The following FHIT variants were observed in gnomAD, a reference collection of about 807,000 sequenced individuals.
The protein encoded by FHIT is bis(5'-adenosyl)-triphosphatase.
A neutral mutation model predicts 17.9 loss-of-function variants in FHIT; 19 were observed. The ratio of observed to expected loss-of-function variants is 1.06; its 90% CI spans 0.74 to 1.56. The LOEUF is 1.56. FHIT is among the 40% of genes most tolerant of loss of function. The pLI, the probability that FHIT is intolerant of heterozygous loss-of-function variation, is 0.00. For synonymous variants in FHIT, 81 were observed against 69.7 expected (o/e 1.16, Z -0.81); for missense variants, 248 against 189.2 (o/e 1.31, Z -1.82).
intron 5 of FHIT, among the ~76,000 whole-genome samples, chr3:60,213,208 A>G (rs1187083198): frequency 6.6e-6 from 1 of 152,188 alleles, no homozygotes; most frequent in Non-Finnish European, 1.5e-5. Flanking sequence ...AATCTGGATC[A>G]AGGCACATAC....
intron 4 of FHIT, among the ~76,000 whole-genome samples, chr3:60,656,388 G>T (rs2040116067): frequency 6.6e-6 from 1 of 152,042 alleles, no homozygotes; most frequent in Non-Finnish European, 1.5e-5. Context: ...TATTACTGGG[G>T]GCAAGATTTG....
intron 7 of FHIT, among the ~76,000 whole-genome samples, chr3:59,996,396 G>A (rs1217393615): frequency 6.6e-6 from 1 of 152,030 alleles, no homozygotes; most frequent in South Asian, 2.1e-4. Context: ...TATTTAGTTG[G>A]AAGATAACAA....
intron 5 of FHIT, among the ~76,000 whole-genome samples, chr3:60,348,472 T>C (rs1460593975): frequency 2.6e-5 from 4 of 152,154 alleles, no homozygotes; most frequent in African/African-American, 9.7e-5. Flanking sequence ...AATTAACATG[T>C]AGAACAAAAT....
At chr3:60,004,641 A>G (rs1438137971) in intron 7 of FHIT, among the ~76,000 whole-genome samples, 2 of 152,084 alleles carry the variant, frequency 1.3e-5, no homozygotes, top group Admixed American at 6.5e-5. Flanking sequence ...GATACAACAT[A>G]TTTCTTTAGG....
At position 60,584,419 on chromosome 3, in the gene FHIT, G is replaced by T. The variant is rs144002418; in HGVS notation, c.-17-47440C>A. 8.0e-3 allele frequency among the ~76,000 whole-genome samples: 1,211 copies of T among 152,000 alleles called. 11 individuals carry two copies. Among genetic ancestry groups the T allele is most frequent in the African/African-American group, 0.028 (1,162 of 41,464 alleles). ...CACACATACAACCCTTGTGAGCTGCGGTGGCGGTGGCAGTAACTGTGGGTT... is the reference window on the plus strand; with the variant it reads ...CACACATACAACCCTTGTGAGCTGCTGTGGCGGTGGCAGTAACTGTGGGTT... On this transcript the variant is annotated intron_variant, in intron 4 of 9. Transcript: ENST00000492590.
chr3:60,595,619 A>G lies in FHIT; in HGVS notation c.-17-58640T>C, dbSNP rs570022738. The stretch of plus-strand genomic sequence containing the variant: ...TATATACGTGTAGATATATGTGTGT[A>G]TGTATATATGTGTGTGTGTGTGTAT... On this transcript the variant is annotated intron_variant, in intron 4 of 9. Transcript: ENST00000492590. Among the ~76,000 whole-genome samples, 15 of 127,628 alleles carry G rather than the reference A, an allele frequency of 1.2e-4. No individual in the cohort carries two copies. The East Asian group carries it at 2.1e-3, about 17-fold the overall frequency. 83.7% of individuals were successfully genotyped at this position (127,628 alleles called of 152,430 possible).
intron 5 of FHIT, among the ~76,000 whole-genome samples, chr3:60,160,637 G>A (rs1337212019): frequency 6.6e-6 from 1 of 152,102 alleles, no homozygotes; most frequent in African/African-American, 2.4e-5. Flanking sequence ...CTGCTGTTTT[G>A]TTAAAAATGT....
intron 3 of FHIT, among the ~76,000 whole-genome samples, chr3:61,040,320 G>A (rs2107687912): frequency 6.6e-6 from 1 of 152,196 alleles, no homozygotes; most frequent in African/African-American, 2.4e-5. Context: ...TTTAAACATT[G>A]GATTGAAAGT....
chr3:60,240,462 AAT>A, intron 5 of FHIT, among the ~76,000 whole-genome samples: 1 of 152,206 alleles, frequency 6.6e-6, no homozygotes, highest in Non-Finnish European at 1.5e-5. Flanking sequence ...TGAAGACTTC[AAT>A]ATCAGGATTA....
intron 4 of FHIT, among the ~76,000 whole-genome samples, chr3:60,620,083 T>C (rs2039076939): frequency 3.9e-5 from 6 of 152,144 alleles, no homozygotes. Flanking sequence ...ATTAGGATAT[T>C]GCAAATTAAA....
intron 8 of FHIT, among the ~76,000 whole-genome samples, chr3:59,821,319 C>T (rs568172463): frequency 6.6e-6 from 1 of 152,278 alleles, no homozygotes; most frequent in East Asian, 1.9e-4. Flanking sequence ...CTGATGTTGG[C>T]TTTTATAAGA....
chr3:60,795,152 A>G (rs1553729841), intron 4 of FHIT, among the ~76,000 whole-genome samples: 2 of 152,158 alleles, frequency 1.3e-5, no homozygotes, highest in African/African-American at 4.8e-5. Flanking sequence ...TTCCATAACT[A>G]TACACAGAAC....
chr3:61,010,737 C>T (rs1007757537), intron 3 of FHIT, among the ~76,000 whole-genome samples: 2 of 152,164 alleles, frequency 1.3e-5, no homozygotes, highest in African/African-American at 4.8e-5. Flanking sequence ...TCTTATATCA[C>T]CAGCTAAACT....
rs145851566 is a variant in FHIT, at chr3:60,433,984, C to T, written c.103+102876G>A. Among the ~76,000 whole-genome samples, 445 of 152,100 alleles carry T rather than the reference C, an allele frequency of 2.9e-3. 4 individuals carry two copies. Among genetic ancestry groups the T allele is most frequent in the African/African-American group, 0.01 (431 of 41,508 alleles). On this transcript the variant is annotated intron_variant, in intron 5 of 9. Coordinates refer to ENST00000492590, the MANE Select transcript of FHIT (RefSeq NM_002012.4). ...CGGTGTCCTATCCAAGAAATTATTGCCTAGACAAATGTTAAGGAGATTTCC... is the reference window on the plus strand; with the variant it reads ...CGGTGTCCTATCCAAGAAATTATTGTCTAGACAAATGTTAAGGAGATTTCC...
At chr3:61,218,024 G>A (rs2039733584) in intron 1 of FHIT, among the ~76,000 whole-genome samples, 1 of 152,158 alleles carries the variant, frequency 6.6e-6, no homozygotes, top group Admixed American at 6.6e-5. Flanking sequence ...AATTTGAAGT[G>A]CCTTAGAGAC....
chr3:59,777,496 C>A (rs775015091), intron 8 of FHIT, among the ~76,000 whole-genome samples: 1 of 152,116 alleles, frequency 6.6e-6, no homozygotes, highest in Non-Finnish European at 1.5e-5. Flanking sequence ...GCTTCTGAGC[C>A]TTTGCACCCA....
chr3:60,525,065 T>G (rs568804762), intron 5 of FHIT, among the ~76,000 whole-genome samples: 40 of 152,300 alleles, frequency 2.6e-4, no homozygotes, highest in African/African-American at 8.9e-4. Context: ...GTGATAACTT[T>G]GGCTTTAGTT....
chr3:60,789,649 T>A (rs9311781), intron 4 of FHIT, among the ~76,000 whole-genome samples: 3 of 152,108 alleles, frequency 2.0e-5, no homozygotes, highest in African/African-American at 7.2e-5. Context: ...ATCTAAGTTC[T>A]TTGGAGACAG....
chr3:61,231,055 A>G (rs1254939366), intron 1 of FHIT, among the ~76,000 whole-genome samples: 1 of 152,236 alleles, frequency 6.6e-6, no homozygotes, highest in African/African-American at 2.4e-5. Flanking sequence ...TCTAAATAAA[A>G]TGAGTCGCTA....
Sources: allele counts gnomAD v4.1 joint callset (sites outside exome capture counted in the v4.1 genomes callset), GRCh38; gene constraint gnomAD v4.1.1; transcripts MANE v1.5; gene names NCBI Gene and HGNC (gene_info 2026-07-23, HGNC 2026-07-21).